The following POLQ variants were observed in gnomAD, a reference collection of about 807,000 sequenced individuals.
The protein encoded by POLQ is DNA polymerase theta, also known as epididymis secretory sperm binding protein.
A neutral mutation model predicts 259.2 loss-of-function variants in POLQ; 233 were observed. That is an observed-to-expected ratio of 0.90 (90% CI 0.81 to 1.00). POLQ has a LOEUF of 1.00. Among genes scored for constraint, POLQ ranks in the 50% least tolerant of loss-of-function variants. The pLI is 0.00. For missense variants in POLQ, 2,871 were observed against 3,051.6 expected (o/e 0.94, Z 1.39); for synonymous variants, 1,025 against 1,048.8 (o/e 0.98, Z 0.44).
Position 121,471,972 on chromosome 3 carries a change from C to G in POLQ, c.6718+18G>C, listed in dbSNP as rs1232756568. ...CCTTCAAAATTGGATATTGTTTATA[C>G]TTAAGATTTCTCATCACCTGTAGCA... On this transcript the variant is annotated intron_variant, in intron 22 of 29. Coordinates refer to ENST00000264233, the MANE Select transcript of POLQ (RefSeq NM_199420.4). The G allele has an allele frequency of 7.4e-7, 1 of 1,348,326 alleles. No homozygotes were observed. The highest frequency in any genetic ancestry group is 9.9e-7 in the Non-Finnish European group (1 of 1,010,832). The allele number at this position is 1,348,326 out of a possible 1,614,324, so 83.5% of individuals were successfully genotyped here.
rs2048242157 is a variant in POLQ at position 121,510,122 on chromosome 3, T to C, written c.1733A>G (p.Gln578Arg). The stretch of plus-strand genomic sequence containing the variant: ...CACACAGGCCTCAATCGCTCCAAGC[T>C]GAACAGACTCTTGATTTCTCTGAAT... ...QGIQRNQESV[Q>R]LGAIEACVMW... Residue 578 changes from glutamine to arginine, a missense_variant, in exon 11 of 30, where the codon CAG becomes CGG. By Grantham distance (43) the Gln-to-Arg change is conservative (BLOSUM62 1). Around this residue, in one of 3 missense-constraint regions of POLQ, gnomAD observed 783 missense variants for 906.2 expected, o/e 0.86. Transcript: ENST00000264233. 6.2e-7 allele frequency: 1 copy of C among 1,614,122 alleles called. No individual in the cohort carries two copies. The highest frequency in any genetic ancestry group is 8.5e-7 in the Non-Finnish European group (1 of 1,179,948).
intron 24 of POLQ, among the ~76,000 whole-genome samples, chr3:121,461,207 C>T (rs1215739222): frequency 6.6e-6 from 1 of 152,196 alleles, no homozygotes; most frequent in Admixed American, 6.5e-5. Context: ...CCTCCCCATT[C>T]GCTGGCAATT....
Position 121,537,052 on chromosome 3 carries a change from C to A in POLQ, c.740+48G>T, listed in dbSNP as rs760944767. ...TACTTATGCATTTTTCAGACACTTC[C>A]TCAACATTGTTTGAAATCTCAGGAA... On this transcript the variant is annotated intron_variant, in intron 5 of 29. Coordinates refer to ENST00000264233, the MANE Select transcript of POLQ (RefSeq NM_199420.4). 18 of 909,306 alleles carry A rather than the reference C, an allele frequency of 2.0e-5. No homozygotes were observed. In the South Asian group the frequency reaches 2.4e-4, roughly 12 times the overall value. The allele number at this position is 909,306 out of a possible 1,614,324, so 56.3% of individuals were successfully genotyped here.
chr3:121,441,359 A>G (rs2047591041), intron 26 of POLQ, among the ~76,000 whole-genome samples: 2 of 152,182 alleles, frequency 1.3e-5, no homozygotes. Context: ...TACTACTACA[A>G]GATACAAAAC....
intron 16 of POLQ, among the ~76,000 whole-genome samples, chr3:121,485,782 G>A (rs532357416): frequency 1.3e-5 from 2 of 152,194 alleles, no homozygotes; most frequent in East Asian, 3.9e-4. Flanking sequence ...CAGAAAATGT[G>A]CTCAATTTTG....
intron 14 of POLQ, among the ~76,000 whole-genome samples, chr3:121,495,566 G>A (rs543343237): frequency 5.3e-5 from 8 of 151,858 alleles, no homozygotes; most frequent in African/African-American, 1.4e-4. Context: ...CCTCCCGGCC[G>A]GGCGCGGGTG....
chr3:121,496,730 A>T (rs2048127211), intron 14 of POLQ, 78 bp downstream of exon 14: 3 of 1,428,950 alleles, frequency 2.1e-6, no homozygotes, highest in Admixed American at 2.2e-5. Context: ...AATAAAATGG[A>T]ATTTGAAAAA....
intron 7 of POLQ, among the ~76,000 whole-genome samples, chr3:121,522,993 G>A (rs544243564): frequency 6.6e-6 from 1 of 152,236 alleles, no homozygotes; most frequent in South Asian, 2.1e-4. Context: ...AGTACCCTCT[G>A]TTTTTTGTCT....
At chr3:121,481,960 G>A (rs1273221602) in intron 18 of POLQ, 148 bp from the exon 19 acceptor site, 9 of 733,346 alleles carry the variant, frequency 1.2e-5, no homozygotes, top group Non-Finnish European at 1.9e-5. Context: ...AGGAAAGAAG[G>A]AAAGAATAAT....
chr3:121,506,762 T>A (rs567868384), intron 12 of POLQ, among the ~76,000 whole-genome samples: 18 of 152,336 alleles, frequency 1.2e-4, no homozygotes, highest in Non-Finnish European at 2.4e-4. Context: ...CAGTCTTTCC[T>A]AAAGATACAC....
chr3:121,534,695 T>C (rs1217647743), intron 5 of POLQ, among the ~76,000 whole-genome samples: 2 of 152,248 alleles, frequency 1.3e-5, no homozygotes, highest in African/African-American at 4.8e-5. Context: ...ATATACACTT[T>C]ATGCTATCAA....
At chr3:121,432,741 T>C (rs1248968033) in intron 29 of POLQ, among the ~76,000 whole-genome samples, 177 bp downstream of exon 29, 1 of 152,136 alleles carries the variant, frequency 6.6e-6, no homozygotes, top group Non-Finnish European at 1.5e-5. Context: ...TATTAAGAAC[T>C]AGTACAAAAC....
intron 21 of POLQ, 127 bp downstream of exon 21, chr3:121,473,223 T>G: frequency 4.6e-6 from 4 of 868,550 alleles, no homozygotes; most frequent in Non-Finnish European, 5.2e-6. Context: ...AACCAATGTG[T>G]TAATTTATAT....
intron 14 of POLQ, chr3:121,495,007 C>T (rs1310367307): frequency 1.6e-6 from 1 of 615,688 alleles, no homozygotes; most frequent in African/African-American, 1.9e-5. Context: ...CGCAGTGGCT[C>T]ACGCCTGTAA....
intron 9 of POLQ, among the ~76,000 whole-genome samples, chr3:121,519,239 A>G (rs2048319411): frequency 6.6e-6 from 1 of 151,982 alleles, no homozygotes; most frequent in South Asian, 2.1e-4. Context: ...TAGAAATTAA[A>G]AATCATCTTC....
At position 121,510,160 on chromosome 3, in the gene POLQ, T is replaced by C; in HGVS notation, c.1695A>G (p.Glu565=). 6.2e-7 allele frequency: 1 copy of C among 1,614,048 alleles called. No homozygotes were observed. ...GATTTCTCTGAATTCCTTGCTTCCC[T>C]TCTTTCATACTTGCAGCCAAAAATG... ...ACTFLAASMK[E]GKQGIQRNQE... Residue 565 remains glutamate (E), a synonymous_variant, in exon 11 of 30, where the codon GAA becomes GAG. Coordinates refer to ENST00000264233, the MANE Select transcript of POLQ (RefSeq NM_199420.4).
In POLQ at chr3:121,490,165, T is replaced by A. The variant is rs1208039907; in HGVS notation, c.2766A>T (p.Thr922=). 1 of 1,611,708 alleles carries A rather than the reference T, an allele frequency of 6.2e-7. No individual in the cohort carries two copies. Among genetic ancestry groups the A allele is most frequent in the Non-Finnish European group, 8.5e-7 (1 of 1,178,376 alleles). ...THSESEVKEH[T]FISQTKSSYK... ...AAGAACTCTTAGTTTGGGATATAAA[T>A]GTGTGTTCCTTTACTTCGGACTCAC... The change falls in exon 16 of 30, where the codon ACA becomes ACT. Residue 922 remains threonine (T), a synonymous_variant. Transcript: ENST00000264233.
chr3:121,458,021 G>A (rs1344720009), intron 25 of POLQ, among the ~76,000 whole-genome samples: 1 of 152,174 alleles, frequency 6.6e-6, no homozygotes, highest in African/African-American at 2.4e-5. Flanking sequence ...TTAAGAAAAT[G>A]TGGCACATAT....
chr3:121,441,723 T>A (rs1254662488), intron 26 of POLQ, among the ~76,000 whole-genome samples: 1 of 152,216 alleles, frequency 6.6e-6, no homozygotes, highest in African/African-American at 2.4e-5. Flanking sequence ...CCTTTGGACA[T>A]GCTTTCATTT....
Sources: gnomAD v4.1 joint callset for allele counts (sites outside exome capture counted in the v4.1 genomes callset) on GRCh38, gnomAD v4.1.1 for gene constraint, gnomAD v4.1.1 regional missense constraint, MANE v1.5 for transcripts, NCBI Gene and HGNC (gene_info 2026-07-23, HGNC 2026-07-21) for gene names.